Variants in BRSK2 observed in about 807,000 individuals in gnomAD.
The protein encoded by BRSK2 is serine/threonine-protein kinase BRSK2.
A neutral mutation model predicts 83.3 loss-of-function variants in BRSK2; 19 were observed. The observed-to-expected ratio is 0.23, with a 90% CI of 0.16 to 0.33. The LOEUF (loss-of-function observed/expected upper bound fraction) is 0.33, where lower values mean the gene tolerates loss of function less well. BRSK2 is among the 10% of genes least tolerant of loss of function. BRSK2 has a pLI of 1.00. For missense variants in BRSK2, 798 were observed against 1,042.3 expected, an observed-to-expected ratio of 0.77 and a Z score of 3.23; for synonymous variants, 519 against 435.4, an observed-to-expected ratio of 1.19 and a Z score of -2.39.
chr11:1,420,942 G>C (rs1307755855), intron 1 of BRSK2, among the ~76,000 whole-genome samples: 1 of 152,230 alleles, frequency 6.6e-6, no homozygotes, highest in Non-Finnish European at 1.5e-5. Flanking sequence ...TCGGCCCTCT[G>C]GCTGGGTGCT....
At chr11:1,420,950 G>A (rs1848583347) in intron 1 of BRSK2, among the ~76,000 whole-genome samples, 1 of 152,364 alleles carries the variant, frequency 6.6e-6, no homozygotes, top group Admixed American at 6.5e-5. Flanking sequence ...CTGGCTGGGT[G>A]CTGGCAAGTA....
chr11:1,423,955 C>T lies in BRSK2; in HGVS notation c.92-12085C>T, dbSNP rs1045407957. 5.9e-5 allele frequency among the ~76,000 whole-genome samples: 9 copies of T among 152,184 alleles called. No homozygotes were observed. The highest frequency in any genetic ancestry group is 2.9e-5 in the Non-Finnish European group (2 of 68,032). On this transcript the variant is annotated intron_variant, in intron 1 of 19. Transcript: ENST00000528841. This position sits in a 1 kb window ranked among gnomAD's most constrained non-coding sequence, Gnocchi z 6.5. ...TGTCCCCAGCCACACTTTCCTCGGC[C>T]TTTCTCTGATAGGAAGGCTGGTAGT...
Position 1,449,820 on chromosome 11 carries a change from C to T in BRSK2, c.1271C>T (p.Pro424Leu), listed in dbSNP as rs1336136772. The T allele has an allele frequency of 1.9e-6, 3 of 1,612,076 alleles. No homozygotes were observed. The highest frequency in any genetic ancestry group is 2.5e-6 in the Non-Finnish European group (3 of 1,179,470). Residue 424 changes from proline to leucine, a missense_variant, in exon 13 of 20, where the codon CCA becomes CTA. By Grantham distance (98) the Pro-to-Leu change is moderately conservative. Transcript: ENST00000528841. ...SGASSGLSTS[P>L]LSSPRVTPHP... ...GCCTCCTCAGGCCTTTCCACCAGCC[C>T]ACTCAGCAGCCCCCGGGTGAGTGAC...
intron 4 of BRSK2, 178 bp from the exon 5 acceptor site, chr11:1,442,312 G>A (rs1851452031): frequency 7.2e-6 from 4 of 551,914 alleles, no homozygotes; most frequent in African/African-American, 1.9e-5. Flanking sequence ...AGAGCCAAAC[G>A]GACCAGGCAG....
intron 1 of BRSK2, chr11:1,409,528 C>T (rs1847186512): frequency 6.6e-6 from 1 of 152,206 alleles, no homozygotes; most frequent in South Asian, 2.1e-4. Context: ...TCTGTGTCTC[C>T]TTGGAGGCTG....
In BRSK2 at chr11:1,459,324, C is replaced by CG. The variant is rs561063606; in HGVS notation, c.1987+88dup. ...CCCGCTGTGGCCGCCACCTGCCGCC[C>CG]GGGTTGTCCCGGCCTCCCTGTGTAG... On this transcript the variant is annotated intron_variant, in intron 19 of 19. Transcript: ENST00000528841. The CG allele has an allele frequency of 4.7e-5, 69 of 1,481,430 alleles. No individual in the cohort carries two copies. In the African/African-American group the frequency reaches 9.3e-4, roughly 20 times the overall value. 91.8% of individuals were successfully genotyped at this position (1,481,430 alleles called of 1,614,324 possible).
chr11:1,412,687 GA>G (rs1847653807), intron 1 of BRSK2, among the ~76,000 whole-genome samples: 2 of 152,208 alleles, frequency 1.3e-5, no homozygotes, highest in South Asian at 4.1e-4. Flanking sequence ...AACCTTTACT[GA>G]GCCAGGGACA....
intron 6 of BRSK2, 75 bp from the exon 7 acceptor site, chr11:1,443,259 TC>T: frequency 1.3e-6 from 2 of 1,530,242 alleles, no homozygotes; most frequent in Non-Finnish European, 8.8e-7. Flanking sequence ...CCGGGCCGAC[TC>T]CCTCTGAGCC....
In BRSK2 at chr11:1,461,320, C is replaced by T. The variant is rs1377655379; in HGVS notation, c.*597C>T. 2.4e-6 allele frequency: 1 copy of T among 410,060 alleles called. No individual in the cohort carries two copies. The highest frequency in any genetic ancestry group is 4.5e-5 in the Admixed American group (1 of 22,130). The allele number at this position is 410,060 out of a possible 1,614,324, so 25.4% of individuals were successfully genotyped here. A position where few individuals can be genotyped will look rare whatever the true frequency, so the allele number is the denominator to read the frequency against. Reference sequence around the variant, plus strand: ...CCGCCTCCACGCCGCACCTGGAGGCCTCCTCGCAGGCCCGTGCCCCGCCTC... The same window carrying T: ...CCGCCTCCACGCCGCACCTGGAGGCTTCCTCGCAGGCCCGTGCCCCGCCTC... On this transcript the variant is annotated 3_prime_UTR_variant, in exon 20 of 20. Transcript: ENST00000528841.
intron 12 of BRSK2, chr11:1,447,764 A>G: frequency 6.3e-7 from 1 of 1,587,144 alleles, no homozygotes; most frequent in East Asian, 2.3e-5. Context: ...TGTGGCCGTC[A>G]GTAACTGTGT....
At chr11:1,404,005 T>C (rs911648770) in intron 1 of BRSK2, among the ~76,000 whole-genome samples, 1 of 152,190 alleles carries the variant, frequency 6.6e-6, no homozygotes, top group Non-Finnish European at 1.5e-5. Flanking sequence ...CCTGGAGTTG[T>C]ACCCAAGCCC....
intron 1 of BRSK2, among the ~76,000 whole-genome samples, chr11:1,413,863 G>A (rs1847820177): frequency 6.6e-6 from 1 of 152,202 alleles, no homozygotes; most frequent in Non-Finnish European, 1.5e-5. Flanking sequence ...GAGGTCGGGT[G>A]GGTAAGGGGC....
chr11:1,459,141 A>G (rs772909017), intron 18 of BRSK2, 51 bp from the exon 19 acceptor site: 62 of 1,545,010 alleles, frequency 4.0e-5, no homozygotes, highest in African/African-American at 7.0e-5. Flanking sequence ...CAGAAGGCCC[A>G]GGACAGCCTT....
chr11:1,443,308 C>G (rs750227763), intron 6 of BRSK2, 27 bp from the exon 7 acceptor site: 30 of 1,594,260 alleles, frequency 1.9e-5, no homozygotes, highest in Non-Finnish European at 2.0e-5. Context: ...CTGCGCCCCC[C>G]AACAGCCCGG....
intron 1 of BRSK2, among the ~76,000 whole-genome samples, chr11:1,395,030 C>T (rs934086526): frequency 9.9e-5 from 15 of 152,100 alleles, no homozygotes; most frequent in Non-Finnish European, 1.6e-4. Flanking sequence ...GGGCTGAGCC[C>T]GGAGAGCGCA....
At chr11:1,444,249 C>T (rs1851726608) in intron 8 of BRSK2, among the ~76,000 whole-genome samples, 1 of 152,136 alleles carries the variant, frequency 6.6e-6, no homozygotes, top group Non-Finnish European at 1.5e-5. Flanking sequence ...GCTGTGGGGG[C>T]TAGCAAGAGC....
At chr11:1,425,464 G>A (rs559874282) in intron 1 of BRSK2, among the ~76,000 whole-genome samples, 8 of 152,308 alleles carry the variant, frequency 5.3e-5, no homozygotes, top group Admixed American at 1.3e-4. Flanking sequence ...CCAGAGGTGC[G>A]GGTTGGTGAC....
At chr11:1,436,968 A>G (rs1001548930) in intron 2 of BRSK2, among the ~76,000 whole-genome samples, 1 of 151,134 alleles carries the variant, frequency 6.6e-6, no homozygotes, top group Non-Finnish European at 1.5e-5. Context: ...TAACCAGACT[A>G]AACTGGGGAG....
chr11:1,426,385 C>T (rs745667411), intron 1 of BRSK2, among the ~76,000 whole-genome samples: 5 of 152,106 alleles, frequency 3.3e-5, no homozygotes, highest in African/African-American at 4.8e-5. Flanking sequence ...CTGAGACGGC[C>T]CCTCCAGGGG....
Sources: allele counts gnomAD v4.1 joint callset (sites outside exome capture counted in the v4.1 genomes callset), GRCh38; gene constraint gnomAD v4.1.1; non-coding constraint Gnocchi (gnomAD v3.1); transcripts MANE v1.5; gene names NCBI Gene and HGNC (gene_info 2026-07-23, HGNC 2026-07-21).